C8A: variants seen among roughly 807,000 people sequenced by gnomAD.
The protein encoded by C8A is complement C8 alpha chain.
Under a neutral mutation model 65.3 loss-of-function variants are expected in C8A, and 67 were observed. The observed-to-expected ratio is 1.03, with a 90% CI of 0.84 to 1.26. C8A has a LOEUF of 1.26. Ranked by LOEUF, C8A falls within the 50% of genes most tolerant of loss-of-function variation. The probability of loss-of-function intolerance (pLI) is 0.00; values close to 1 mark genes in which losing one functional copy is unlikely to be tolerated. For synonymous variants in C8A, 290 were observed against 259.4 expected, an observed-to-expected ratio of 1.12 and a Z score of -1.13; for missense variants, 781 against 723.9, an observed-to-expected ratio of 1.08 and a Z score of -0.90.
chr1:56,870,248 G>T (rs1278008615), intron 2 of C8A, among the ~76,000 whole-genome samples: 1 of 152,048 alleles, frequency 6.6e-6, no homozygotes, highest in South Asian at 2.1e-4. Context: ...TCTTAGAGGC[G>T]CTAGAAGGGA....
At chr1:56,915,181 A>C (rs141536888) in intron 10 of C8A, among the ~76,000 whole-genome samples, 274 of 152,302 alleles carry the variant, frequency 1.8e-3, no homozygotes, top group African/African-American at 6.2e-3. Flanking sequence ...TACTTGTTCA[A>C]ATTCCTCCTT....
intron 7 of C8A, among the ~76,000 whole-genome samples, chr1:56,903,321 G>A (rs1262721040): frequency 1.3e-5 from 2 of 152,116 alleles, no homozygotes; most frequent in Non-Finnish European, 2.9e-5. Context: ...TTTTATAAGG[G>A]GGTTTCCCCC....
intron 10 of C8A, among the ~76,000 whole-genome samples, 185 bp downstream of exon 10, chr1:56,912,810 T>A (rs1644520384): frequency 6.6e-6 from 1 of 152,242 alleles, no homozygotes; most frequent in African/African-American, 2.4e-5. Context: ...GTCCTTGCCA[T>A]CAAGACCTTT....
intron 5 of C8A, among the ~76,000 whole-genome samples, chr1:56,882,597 A>C (rs1339956860): frequency 6.6e-6 from 1 of 152,130 alleles, no homozygotes; most frequent in East Asian, 1.9e-4. Flanking sequence ...AAATACTGAC[A>C]GAAAATAAGG....
intron 1 of C8A, among the ~76,000 whole-genome samples, chr1:56,861,160 T>C (rs144461998): frequency 6.6e-6 from 1 of 152,198 alleles, no homozygotes; most frequent in African/African-American, 2.4e-5. Context: ...ACCTATTATA[T>C]GCCAGGTACT....
At chr1:56,867,500 T>G in intron 1 of C8A, 109 bp from the exon 2 acceptor site, 1 of 767,268 alleles carries the variant, frequency 1.3e-6, no homozygotes, top group South Asian at 1.5e-5. Flanking sequence ...AAATGTTCAT[T>G]CCTCATTTCT....
At chr1:56,897,691 T>C (rs1644396576) in intron 7 of C8A, among the ~76,000 whole-genome samples, 1 of 152,222 alleles carries the variant, frequency 6.6e-6, no homozygotes, top group Non-Finnish European at 1.5e-5. Context: ...GGTTGTTTGA[T>C]TATAACTCCC....
chr1:56,864,544 A>G (rs1027263804), intron 1 of C8A, among the ~76,000 whole-genome samples: 1 of 152,178 alleles, frequency 6.6e-6, no homozygotes, highest in African/African-American at 2.4e-5. Flanking sequence ...GTGATTCATG[A>G]ATGAATGACT....
At chr1:56,882,531 A>G (rs1036251417) in intron 5 of C8A, among the ~76,000 whole-genome samples, 1 of 152,092 alleles carries the variant, frequency 6.6e-6, no homozygotes, top group Non-Finnish European at 1.5e-5. Flanking sequence ...ATTTAGAAGA[A>G]GAGATAGATT....
intron 10 of C8A, 84 bp downstream of exon 10, chr1:56,912,709 C>G: frequency 7.8e-7 from 1 of 1,289,296 alleles, no homozygotes; most frequent in Non-Finnish European, 1.1e-6. Context: ...GGTTCCCGGC[C>G]CCTCCTTTTG....
Position 56,881,521 on chromosome 1 carries a change from T to C in C8A, c.541T>C (p.Tyr181His), listed in dbSNP as rs1443692374. The C allele has an allele frequency of 4.3e-6, 7 of 1,613,698 alleles. No homozygotes were observed. Among genetic ancestry groups the C allele is most frequent in the Non-Finnish European group, 5.9e-6 (7 of 1,179,742 alleles). ...TTATGGGGGCCAGTGTGAGACGGTATACAATGGGGAATGGAGGGAGCTTCG... is the reference window on the plus strand; with the variant it reads ...TTATGGGGGCCAGTGTGAGACGGTACACAATGGGGAATGGAGGGAGCTTCG... ...SYYGGQCETV[Y>H]NGEWRELRYD... The change falls in exon 5 of 11, where the codon TAC becomes CAC. Residue 181 changes from tyrosine (Y) to histidine (H), a missense_variant. Tyr to His is a moderately conservative substitution (Grantham distance 83). Transcript: ENST00000361249.
intron 4 of C8A, among the ~76,000 whole-genome samples, chr1:56,879,837 C>G (rs1490416969): frequency 6.6e-6 from 1 of 152,174 alleles, no homozygotes; most frequent in Non-Finnish European, 1.5e-5. Flanking sequence ...GCCAGGTGCT[C>G]TATAATTATC....
At chr1:56,858,140 T>A (rs1324043831) in intron 1 of C8A, among the ~76,000 whole-genome samples, 1 of 152,144 alleles carries the variant, frequency 6.6e-6, no homozygotes, top group African/African-American at 2.4e-5. Flanking sequence ...TCCTCAAATA[T>A]TGGAGCATAT....
chr1:56,891,867 A>G (rs892766716), intron 7 of C8A, among the ~76,000 whole-genome samples: 2 of 152,138 alleles, frequency 1.3e-5, no homozygotes. Flanking sequence ...ATATACATAC[A>G]TATTTAAGTG....
At chr1:56,915,239 C>A (rs1008107703) in intron 10 of C8A, among the ~76,000 whole-genome samples, 2 of 152,030 alleles carry the variant, frequency 1.3e-5, no homozygotes, top group Admixed American at 1.3e-4. Context: ...CTGCCTGTGT[C>A]CTGTGGGAGG....
At chr1:56,855,093 C>T in intron 1 of C8A, 115 bp downstream of exon 1, 1 of 809,402 alleles carries the variant, frequency 1.2e-6, no homozygotes, top group Non-Finnish European at 2.1e-6. Context: ...AACCTCTTTT[C>T]ATGTTATTAC....
intron 7 of C8A, among the ~76,000 whole-genome samples, chr1:56,899,961 C>T (rs966647347): frequency 6.6e-6 from 1 of 152,200 alleles, no homozygotes; most frequent in Non-Finnish European, 1.5e-5. Context: ...CTCAGGTAGT[C>T]TCTGTTTCAG....
At chr1:56,904,711 T>C (rs1455852934) in intron 7 of C8A, among the ~76,000 whole-genome samples, 1 of 152,194 alleles carries the variant, frequency 6.6e-6, no homozygotes, top group Non-Finnish European at 1.5e-5. Context: ...ATGAAAAGTA[T>C]GAGCTAAGTG....
intron 2 of C8A, among the ~76,000 whole-genome samples, chr1:56,873,828 C>G (rs1309970894): frequency 6.6e-6 from 1 of 152,154 alleles, no homozygotes; most frequent in African/African-American, 2.4e-5. Flanking sequence ...ATTTTATGTC[C>G]TCAACTAGGG....
Sources: allele counts gnomAD v4.1 joint callset (sites outside exome capture counted in the v4.1 genomes callset), GRCh38; gene constraint gnomAD v4.1.1; transcripts MANE v1.5; gene names NCBI Gene and HGNC (gene_info 2026-07-23, HGNC 2026-07-21).